CDYL: variants seen among roughly 807,000 people sequenced by gnomAD.
The protein encoded by CDYL is chromodomain Y-like protein.
A neutral mutation model predicts 47.3 loss-of-function variants in CDYL; 8 were observed. The ratio of observed to expected loss-of-function variants is 0.17; its 90% CI spans 0.10 to 0.31. The LOEUF is 0.31. CDYL is among the 10% of genes least tolerant of loss of function. The pLI, the probability that CDYL is intolerant of heterozygous loss-of-function variation, is 1.00. For synonymous variants in CDYL, 266 were observed against 265.0 expected, an observed-to-expected ratio of 1.00 and a Z score of -0.04; for missense variants, 471 against 701.4, an observed-to-expected ratio of 0.67 and a Z score of 3.71.
intron 1 of CDYL, among the ~76,000 whole-genome samples, chr6:4,818,564 A>G (rs1759737047): frequency 6.6e-6 from 1 of 152,066 alleles, no homozygotes; most frequent in South Asian, 2.1e-4. Context: ...CATAGAGTTT[A>G]TTGACTTTTG....
chr6:4,927,542 A>G (rs1285606129), intron 2 of CDYL, among the ~76,000 whole-genome samples: 3 of 151,384 alleles, frequency 2.0e-5, no homozygotes, highest in Non-Finnish European at 4.4e-5. Context: ...CAGCCTCCTG[A>G]GTAGCTGGGA....
At chr6:4,777,962 C>T (rs933532428) in intron 1 of CDYL, among the ~76,000 whole-genome samples, 2 of 152,142 alleles carry the variant, frequency 1.3e-5, no homozygotes, top group Non-Finnish European at 2.9e-5. Flanking sequence ...GGTCAGTATA[C>T]CTTAGCTGGT....
chr6:4,896,475 G>T (rs778774774), intron 2 of CDYL, among the ~76,000 whole-genome samples: 1 of 152,222 alleles, frequency 6.6e-6, no homozygotes, highest in African/African-American at 2.4e-5. Context: ...GCGCATGGAA[G>T]ACAAGGGTTG....
intron 1 of CDYL, among the ~76,000 whole-genome samples, chr6:4,709,129 T>C (rs994179640): frequency 1.3e-5 from 2 of 152,208 alleles, no homozygotes; most frequent in South Asian, 4.1e-4. Context: ...AACCCTTCCA[T>C]ACACCTCATG....
At chr6:4,843,135 C>T (rs1760551929) in intron 1 of CDYL, among the ~76,000 whole-genome samples, 1 of 152,094 alleles carries the variant, frequency 6.6e-6, no homozygotes, top group Admixed American at 6.6e-5. Flanking sequence ...GCCCTCCCCA[C>T]CCCAACCCCT....
At chr6:4,729,842 T>G (rs1381752172) in intron 2 of CDYL, among the ~76,000 whole-genome samples, 1 of 151,898 alleles carries the variant, frequency 6.6e-6, no homozygotes, top group African/African-American at 2.4e-5. Context: ...CACTTGGGCC[T>G]GGGAAGTGGA....
intron 1 of CDYL, among the ~76,000 whole-genome samples, chr6:4,864,573 G>A (rs1341124705): frequency 6.6e-6 from 1 of 152,154 alleles, no homozygotes; most frequent in Non-Finnish European, 1.5e-5. Context: ...ATTCCTACGT[G>A]TTGTGATAGG....
intron 3 of CDYL, among the ~76,000 whole-genome samples, chr6:4,751,798 C>G (rs1757998192): frequency 6.6e-6 from 1 of 152,252 alleles, no homozygotes; most frequent in Non-Finnish European, 1.5e-5. Flanking sequence ...CTTAGAAATG[C>G]AAACTATTCA....
chr6:4,844,196 A>G (rs1427493836), intron 1 of CDYL, among the ~76,000 whole-genome samples: 1 of 152,100 alleles, frequency 6.6e-6, no homozygotes, highest in Non-Finnish European at 1.5e-5. Flanking sequence ...CAGGTCTCTC[A>G]ACTGTAGATA....
intron 2 of CDYL, among the ~76,000 whole-genome samples, chr6:4,925,665 CTCGGCCTCCTAA>C: frequency 6.6e-6 from 1 of 152,210 alleles, no homozygotes; most frequent in African/African-American, 2.4e-5. Flanking sequence ...ATCCGCCCAC[CTCGGCCTCCTAA>C]AGTGCTGGGA....
intron 3 of CDYL, among the ~76,000 whole-genome samples, chr6:4,747,568 T>C (rs1347997377): frequency 6.6e-6 from 1 of 152,190 alleles, no homozygotes; most frequent in Non-Finnish European, 1.5e-5. Context: ...CGTGCACAGA[T>C]ATAAATTGCT....
intron 1 of CDYL, among the ~76,000 whole-genome samples, chr6:4,834,639 A>G (rs572940113): frequency 1.7e-4 from 26 of 152,062 alleles, no homozygotes; most frequent in African/African-American, 5.8e-4. Flanking sequence ...AGATTGGGGA[A>G]GTTCTCCTGG....
At chr6:4,708,362 G>C (rs533880945) in intron 1 of CDYL, among the ~76,000 whole-genome samples, 29 of 152,210 alleles carry the variant, frequency 1.9e-4, no homozygotes, top group South Asian at 4.1e-4. Context: ...TTTTCACCAT[G>C]TTGTCCAGGC....
rs749085579 is a variant in CDYL at position 4,943,699 on chromosome 6, A to G, written c.1275A>G (p.Gly425=). 11 of 1,613,524 alleles carry G rather than the reference A, an allele frequency of 6.8e-6. No homozygotes were observed. Among genetic ancestry groups the G allele is most frequent in the South Asian group, 1.1e-5 (1 of 91,048 alleles). ...AWFQTPYTTF[G]QSPDGCSTVM... ...TTCAAACACCCTATACCACCTTCGG[A>G]CAGAGTCCAGATGGCTGTTCTACCG... Residue 425 remains glycine, a synonymous_variant, in exon 5 of 7, where the codon GGA becomes GGG. Coordinates refer to ENST00000397588, the MANE Select transcript of CDYL (RefSeq NM_004824.4).
intron 1 of CDYL, among the ~76,000 whole-genome samples, chr6:4,710,255 C>T (rs1158091299): frequency 6.6e-6 from 1 of 151,016 alleles, no homozygotes; most frequent in Non-Finnish European, 1.5e-5. Flanking sequence ...TCTTTATGTT[C>T]ATTTCTTTTC....
intron 2 of CDYL, among the ~76,000 whole-genome samples, chr6:4,716,494 T>C (rs566817849): frequency 4.6e-5 from 7 of 152,202 alleles, no homozygotes; most frequent in South Asian, 4.1e-4. Context: ...TTTAATGACC[T>C]GAGACATCGT....
At chr6:4,858,814 C>T (rs1158904113) in intron 1 of CDYL, among the ~76,000 whole-genome samples, 5 of 152,166 alleles carry the variant, frequency 3.3e-5, no homozygotes, top group African/African-American at 1.2e-4. Context: ...CCTCTGTGCC[C>T]CAGTTCCTCC....
chr6:4,801,032 C>T (rs967413555), intron 1 of CDYL, among the ~76,000 whole-genome samples: 12 of 152,192 alleles, frequency 7.9e-5, no homozygotes, highest in African/African-American at 2.7e-4. Flanking sequence ...GTACTGCTTC[C>T]TGTTGTCACA....
intron 1 of CDYL, among the ~76,000 whole-genome samples, chr6:4,831,890 G>A (rs889385646): frequency 4.0e-5 from 6 of 151,746 alleles, no homozygotes; most frequent in Admixed American, 2.0e-4. Flanking sequence ...TGTTATTGGT[G>A]TATAAGAATG....
Sources: gnomAD v4.1 joint callset for allele counts (sites outside exome capture counted in the v4.1 genomes callset) on GRCh38, gnomAD v4.1.1 for gene constraint, MANE v1.5 for transcripts, NCBI Gene and HGNC (gene_info 2026-07-23, HGNC 2026-07-21) for gene names.